Variants in SAMD12 observed in about 807,000 individuals in gnomAD.
SAMD12 encodes the protein sterile alpha motif domain containing 12, also known as sterile alpha motif domain-containing protein 12.
A neutral mutation model predicts 15.0 loss-of-function variants in SAMD12; 9 were observed. The observed-to-expected ratio is 0.60, with a 90% CI of 0.36 to 1.05. SAMD12 has a LOEUF of 1.05. Ranked by LOEUF, SAMD12 falls within the 50% of genes least tolerant of loss-of-function variation. The pLI is 0.01. For synonymous variants in SAMD12, 86 were observed against 90.1 expected, an observed-to-expected ratio of 0.96 and a Z score of 0.25; for missense variants, 230 against 234.2, an observed-to-expected ratio of 0.98 and a Z score of 0.12.
At chr8:118,392,332 G>A (rs1022857710) in intron 3 of SAMD12, among the ~76,000 whole-genome samples, 3 of 152,228 alleles carry the variant, frequency 2.0e-5, no homozygotes, top group South Asian at 2.1e-4. Context: ...TCGGGAGGCC[G>A]AGGCAGGAGA....
chr8:118,397,604 T>C (rs16890952), intron 3 of SAMD12, among the ~76,000 whole-genome samples: 2,360 of 152,288 alleles, frequency 0.015, 57 homozygotes, highest in African/African-American at 0.051. Context: ...AGAAATTACA[T>C]TGAAATTGAA....
chr8:118,472,506 T>C (rs1823829176), intron 2 of SAMD12, among the ~76,000 whole-genome samples: 1 of 151,724 alleles, frequency 6.6e-6, no homozygotes, highest in East Asian at 2.0e-4. Flanking sequence ...CAGCAAGACC[T>C]CATCTCTAAA....
chr8:118,133,718 T>C, the SAMD12 span, among the ~76,000 whole-genome samples: 2 of 152,116 alleles, frequency 1.3e-5, no homozygotes, highest in Non-Finnish European at 2.9e-5. Context: ...TTTTTTTTTT[T>C]CTATTGAAGT....
chr8:118,446,410 G>A (rs1348439199), intron 2 of SAMD12, among the ~76,000 whole-genome samples: 12 of 152,006 alleles, frequency 7.9e-5, no homozygotes, highest in Admixed American at 7.9e-4. Context: ...CTAAGATGGG[G>A]GTTAGTAAAC....
chr8:118,543,664 G>A (rs1261961521), intron 2 of SAMD12, among the ~76,000 whole-genome samples: 6 of 101,842 alleles, frequency 5.9e-5, no homozygotes, highest in Admixed American at 2.3e-4. Context: ...ACCAGCTATC[G>A]TTAGCATTAG....
intron 2 of SAMD12, among the ~76,000 whole-genome samples, chr8:118,461,623 C>T (rs1015965655): frequency 1.2e-4 from 18 of 152,040 alleles, no homozygotes; most frequent in South Asian, 2.1e-4. Context: ...TCTATAAATA[C>T]GGGACAGTAC....
intron 3 of SAMD12, among the ~76,000 whole-genome samples, chr8:118,420,204 A>G (rs1160270191): frequency 6.6e-6 from 1 of 152,202 alleles, no homozygotes; most frequent in African/African-American, 2.4e-5. Context: ...CTAGAGAAAG[A>G]AAATCGGGAC....
At chr8:118,569,658 C>T (rs1586825969) in intron 2 of SAMD12, among the ~76,000 whole-genome samples, 1 of 152,138 alleles carries the variant, frequency 6.6e-6, no homozygotes, top group African/African-American at 2.4e-5. Flanking sequence ...AGAGGAGAAA[C>T]AGACACCTTA....
At chr8:118,529,706 G>C (rs955093609) in intron 2 of SAMD12, among the ~76,000 whole-genome samples, 1 of 152,118 alleles carries the variant, frequency 6.6e-6, no homozygotes. Context: ...CATTCATCTT[G>C]CTGCAAAAGC....
chr8:118,278,703 G>GT (rs1400850252), intron 4 of SAMD12, among the ~76,000 whole-genome samples: 2 of 152,192 alleles, frequency 1.3e-5, no homozygotes, highest in Non-Finnish European at 2.9e-5. Flanking sequence ...ATGAGAAGGG[G>GT]TTAGAGTTTG....
the SAMD12 span, among the ~76,000 whole-genome samples, chr8:118,173,371 C>A: frequency 6.6e-6 from 1 of 152,046 alleles, no homozygotes; most frequent in Non-Finnish European, 1.5e-5. Context: ...GGAACAGAGG[C>A]ACTTGCCTTA....
intron 4 of SAMD12, among the ~76,000 whole-genome samples, chr8:118,212,458 A>G (rs1302353525): frequency 1.3e-5 from 2 of 152,236 alleles, no homozygotes; most frequent in East Asian, 1.9e-4. Context: ...GACAATTTCT[A>G]TGCCTTCTGG....
At chr8:118,386,115 C>G (rs774023943) in intron 3 of SAMD12, among the ~76,000 whole-genome samples, 4 of 152,152 alleles carry the variant, frequency 2.6e-5, no homozygotes, top group Non-Finnish European at 4.4e-5. Flanking sequence ...CTATGGTTGC[C>G]ATAACAAACT....
At chr8:118,612,160 T>A (rs1019634310) in intron 1 of SAMD12, among the ~76,000 whole-genome samples, 9 of 152,166 alleles carry the variant, frequency 5.9e-5, no homozygotes, top group African/African-American at 2.2e-4. Flanking sequence ...CAGGGACAGG[T>A]AAGTTTTTCT....
intron 4 of SAMD12, among the ~76,000 whole-genome samples, chr8:118,271,661 C>T (rs1437318088): frequency 6.6e-6 from 1 of 152,168 alleles, no homozygotes; most frequent in African/African-American, 2.4e-5. Context: ...GGGGTAAAGG[C>T]ATTGGGTAAA....
chr8:118,386,514 AG>A (rs1252543805), intron 3 of SAMD12, among the ~76,000 whole-genome samples: 1 of 152,180 alleles, frequency 6.6e-6, no homozygotes, highest in Non-Finnish European at 1.5e-5. Context: ...TTCAGGTTTC[AG>A]GGATTAGGAC....
intron 2 of SAMD12, among the ~76,000 whole-genome samples, chr8:118,569,156 T>C (rs552127794): frequency 6.6e-6 from 1 of 152,230 alleles, no homozygotes; most frequent in Non-Finnish European, 1.5e-5. Flanking sequence ...ATCGAAATGC[T>C]CCAAAACCCA....
Position 118,322,461 on chromosome 8 carries a change from G to A in SAMD12, c.433+57099C>T, listed in dbSNP as rs537047193. Among the ~76,000 whole-genome samples, 28 of 152,342 alleles carry A rather than the reference G, an allele frequency of 1.8e-4. No homozygotes were observed. In the South Asian group the frequency reaches 2.1e-3, roughly 11 times the overall value. On this transcript the variant is annotated intron_variant, in intron 4 of 4. Coordinates refer to the SAMD12 transcript ENST00000409003. ...TGTGGGCAGTTCATCAGCTTTTAAC[G>A]TAGGTATGGGTTTCATTAGTCTGTT...
intron 2 of SAMD12, among the ~76,000 whole-genome samples, chr8:118,448,502 G>C (rs1402898781): frequency 1.3e-5 from 2 of 152,228 alleles, no homozygotes; most frequent in Non-Finnish European, 2.9e-5. Flanking sequence ...ACAAATGAAA[G>C]AACTGTCTGT....
Sources: gnomAD v4.1 joint callset for allele counts (sites outside exome capture counted in the v4.1 genomes callset) on GRCh38, gnomAD v4.1.1 for gene constraint, MANE v1.5 for transcripts, NCBI Gene and HGNC (gene_info 2026-07-23, HGNC 2026-07-21) for gene names.